Variants in NOTCH2NLR observed in about 807,000 individuals in gnomAD.
NOTCH2NLR encodes the protein notch 2 N-terminal like R (pseudogene).
In NOTCH2NLR, 33 loss-of-function variants were observed where a neutral mutation model predicts 35.6. The observed-to-expected ratio is 0.93, with a 90% CI of 0.70 to 1.24. The LOEUF (loss-of-function observed/expected upper bound fraction) is 1.24, where lower values mean the gene tolerates loss of function less well. Among genes scored for constraint, NOTCH2NLR ranks in the 50% most tolerant of loss-of-function variants. NOTCH2NLR has a pLI of 0.00. For missense variants in NOTCH2NLR, 276 were observed against 362.2 expected, an observed-to-expected ratio of 0.76 and a Z score of 1.93; for synonymous variants, 103 against 141.0, an observed-to-expected ratio of 0.73 and a Z score of 1.91.
rs1193092026 is a variant in NOTCH2NLR at position 120,792,777 on chromosome 1, G to A, written c.416-384G>A. Among the ~76,000 whole-genome samples the A allele has an allele frequency of 2.0e-5, 2 of 101,652 alleles. 1 individual carries two copies. The highest frequency in any genetic ancestry group is 3.6e-5 in the Non-Finnish European group (2 of 55,178). The allele number at this position is 101,652 out of a possible 152,430, so 66.7% of individuals were successfully genotyped here. A position where few individuals can be genotyped will look rare whatever the true frequency, so the allele number is the denominator to read the frequency against. ...GGCCTCCCAAAGTGCTGGAATTACAGGTGTGAGCCACTGCTCCTGGCCCAG... is the reference window on the plus strand; with the variant it reads ...GGCCTCCCAAAGTGCTGGAATTACAAGTGTGAGCCACTGCTCCTGGCCCAG... On this transcript the variant is annotated intron_variant, in intron 3 of 4. Transcript: ENST00000624419.
chr1:120,732,631 G>C, intron 1 of NOTCH2NLR, among the ~76,000 whole-genome samples: 1 of 80,250 alleles, frequency 1.2e-5, no homozygotes, highest in Non-Finnish European at 2.3e-5. Flanking sequence ...TCTTTAGTTA[G>C]AAACATTAAG....
chr1:120,762,441 G>C (rs1403315030), intron 1 of NOTCH2NLR, among the ~76,000 whole-genome samples: 2 of 88,792 alleles, frequency 2.3e-5, no homozygotes, highest in South Asian at 3.5e-4. Context: ...TACTGGTTTC[G>C]TGGCCAGGGA....
intron 2 of NOTCH2NLR, among the ~76,000 whole-genome samples, chr1:120,778,418 C>G (rs1436737221): frequency 9.0e-6 from 1 of 111,598 alleles, no homozygotes; most frequent in Non-Finnish European, 1.7e-5. Context: ...TAATGAGGAG[C>G]AGCTTCAGTG....
chr1:120,790,010 C>CTTTTTTT (rs1174501165), intron 3 of NOTCH2NLR, among the ~76,000 whole-genome samples: 2 of 34,962 alleles, frequency 5.7e-5, no homozygotes, highest in Non-Finnish European at 1.0e-4. Flanking sequence ...TTCTGATCAC[C>CTTTTTTT]TTTTTTTTTT....
chr1:120,756,532 G>A lies in NOTCH2NLR; in HGVS notation c.74-7096G>A, dbSNP rs1328785320. Among the ~76,000 whole-genome samples the A allele has an allele frequency of 2.6e-5, 3 of 116,512 alleles. No homozygotes were observed. In the East Asian group the frequency reaches 6.3e-4, roughly 25 times the overall value. The allele number at this position is 116,512 out of a possible 152,430, so 76.4% of individuals were successfully genotyped here. A position where few individuals can be genotyped will look rare whatever the true frequency, so the allele number is the denominator to read the frequency against. ...ATGAAAAAAATCATGTGAGATAGACGACAGAGGCTTATTTGAAGAAGCTAC... is the reference window on the plus strand; with the variant it reads ...ATGAAAAAAATCATGTGAGATAGACAACAGAGGCTTATTTGAAGAAGCTAC... On this transcript the variant is annotated intron_variant, in intron 1 of 4. Coordinates refer to ENST00000624419, the Ensembl canonical transcript of NOTCH2NLR.
rs1651306136 is a variant in NOTCH2NLR, at chr1:120,776,295, G to A, written c.156-8679G>A. Among the ~76,000 whole-genome samples the A allele has an allele frequency of 1.9e-5, 2 of 107,932 alleles. 1 individual carries two copies. Among genetic ancestry groups the A allele is most frequent in the Non-Finnish European group, 3.5e-5 (2 of 57,820 alleles). 70.8% of individuals were successfully genotyped at this position (107,932 alleles called of 152,430 possible). The stretch of plus-strand genomic sequence containing the variant: ...TCACAGGAAATAACATTTAAGTTGA[G>A]ACTTAATGAAATTTTAGGGCTTAGC... On this transcript the variant is annotated intron_variant, in intron 2 of 4. Transcript: ENST00000624419.
chr1:120,728,007 G>T lies in NOTCH2NLR; in HGVS notation c.73+3757G>T, dbSNP rs1387076892. On this transcript the variant is annotated intron_variant, in intron 1 of 4. Transcript: ENST00000624419. The stretch of plus-strand genomic sequence containing the variant: ...GGTCCTCCATTTTCTGATGTTCATT[G>T]TTCATGGTCACAGAGCCAATTAGAG... 3.4e-5 allele frequency among the ~76,000 whole-genome samples: 4 copies of T among 118,938 alleles called. 1 individual carries two copies. Among genetic ancestry groups the T allele is most frequent in the Non-Finnish European group, 4.9e-5 (3 of 61,276 alleles). 78.0% of individuals were successfully genotyped at this position (118,938 alleles called of 152,430 possible).
chr1:120,790,301 A>G lies in NOTCH2NLR; in HGVS notation c.416-2860A>G, dbSNP rs1332394033. On this transcript the variant is annotated intron_variant, in intron 3 of 4. Coordinates refer to ENST00000624419, the Ensembl canonical transcript of NOTCH2NLR. Reference sequence around the variant, plus strand: ...AGTGCTGGGATTACAGGTGTGAGCCACCACACCGGGCCGATTCTGATCATC... The same window carrying G: ...AGTGCTGGGATTACAGGTGTGAGCCGCCACACCGGGCCGATTCTGATCATC... Among the ~76,000 whole-genome samples the G allele has an allele frequency of 5.4e-5, 6 of 111,862 alleles. 2 individuals are homozygous for G. The highest frequency in any genetic ancestry group is 3.9e-3 in the Middle Eastern group (1 of 256). The allele number at this position is 111,862 out of a possible 152,430, so 73.4% of individuals were successfully genotyped here. A position where few individuals can be genotyped will look rare whatever the true frequency, so the allele number is the denominator to read the frequency against.
intron 2 of NOTCH2NLR, among the ~76,000 whole-genome samples, chr1:120,783,548 C>A (rs1434798188): frequency 1.8e-5 from 1 of 55,730 alleles, no homozygotes; most frequent in African/African-American, 1.8e-4. Flanking sequence ...AAGATGATCT[C>A]CTTTTACAAA....
intron 1 of NOTCH2NLR, among the ~76,000 whole-genome samples, chr1:120,734,405 T>C (rs1650893456): frequency 1.1e-5 from 1 of 91,808 alleles, no homozygotes; most frequent in Non-Finnish European, 2.1e-5. Flanking sequence ...TACAATATTT[T>C]CTTTTTTTTT....
downstream of NOTCH2NLR, among the ~76,000 whole-genome samples, chr1:120,794,489 C>A (rs1321748669): frequency 2.7e-5 from 3 of 112,506 alleles, 1 homozygote; most frequent in Non-Finnish European, 5.0e-5. Flanking sequence ...AGCAGAATTG[C>A]CTCAAAAAGA....
At chr1:120,727,861 G>A (rs1348042374) in intron 1 of NOTCH2NLR, among the ~76,000 whole-genome samples, 2 of 115,320 alleles carry the variant, frequency 1.7e-5, no homozygotes, top group East Asian at 4.2e-4. Context: ...TTCTTTCTTT[G>A]TCAGCCTACC....
Position 120,761,016 on chromosome 1 carries a change from G to T in NOTCH2NLR, c.74-2612G>T, listed in dbSNP as rs1651131872. ...GAACCATGGCTCAGTAAATGCTAAAGGTTCAAGGTAGCATGATCCCACACA... is the reference window on the plus strand; with the variant it reads ...GAACCATGGCTCAGTAAATGCTAAATGTTCAAGGTAGCATGATCCCACACA... On this transcript the variant is annotated intron_variant, in intron 1 of 4. Transcript: ENST00000624419. Among the ~76,000 whole-genome samples the T allele has an allele frequency of 1.6e-5, 2 of 125,584 alleles. 1 individual carries two copies. Among genetic ancestry groups the T allele is most frequent in the South Asian group, 4.8e-4 (2 of 4,138 alleles). 82.4% of individuals were successfully genotyped at this position (125,584 alleles called of 152,430 possible). A position where few individuals can be genotyped will look rare whatever the true frequency, so the allele number is the denominator to read the frequency against.
chr1:120,792,603 G>A (rs1651504113), intron 3 of NOTCH2NLR, among the ~76,000 whole-genome samples: 1 of 109,224 alleles, frequency 9.2e-6, no homozygotes, highest in Non-Finnish European at 1.8e-5. Flanking sequence ...CTGGGTTCAA[G>A]TGATTCTTCT....
exon 1 of NOTCH2NLR, chr1:120,724,161 A>T: frequency 7.2e-7 from 1 of 1,380,380 alleles, no homozygotes; most frequent in Non-Finnish European, 9.4e-7. Context: ...GAGGAGGAGG[A>T]GGAGGCGACC....
rs1189272610 is a variant in NOTCH2NLR at position 120,790,535 on chromosome 1, CCTTTCTTTCTTT to C, written c.416-2579_416-2568del. ...TTGATTCTTTCTTTCTTTCTCCCTC[CCTTTCTTTCTTT>C]CTTTCTTTCTTTCTTTCTTTCTTTC... On this transcript the variant is annotated intron_variant, in intron 3 of 4. Coordinates refer to ENST00000624419, the Ensembl canonical transcript of NOTCH2NLR. 7.7e-3 allele frequency among the ~76,000 whole-genome samples: 594 copies of C among 76,710 alleles called. 108 individuals carry two copies. Among genetic ancestry groups the C allele is most frequent in the South Asian group, 0.025 (65 of 2,560 alleles). 50.3% of individuals were successfully genotyped at this position (76,710 alleles called of 152,430 possible). A position where few individuals can be genotyped will look rare whatever the true frequency, so the allele number is the denominator to read the frequency against.
rs1396110754 is a variant in NOTCH2NLR at position 120,784,570 on chromosome 1, C to A, written c.156-404C>A. Among the ~76,000 whole-genome samples the A allele has an allele frequency of 6.8e-5, 8 of 118,028 alleles. 2 individuals are homozygous for A. Among genetic ancestry groups the A allele is most frequent in the Admixed American group, 1.6e-4 (2 of 12,420 alleles). 77.4% of individuals were successfully genotyped at this position (118,028 alleles called of 152,430 possible). A position where few individuals can be genotyped will look rare whatever the true frequency, so the allele number is the denominator to read the frequency against. ...CAACTCAAGTATTGTCAGTGAAGGT[C>A]TTCTCTGATTTTCCTATTCTAAACT... On this transcript the variant is annotated intron_variant, in intron 2 of 4. Coordinates refer to ENST00000624419, the Ensembl canonical transcript of NOTCH2NLR.
intron 2 of NOTCH2NLR, among the ~76,000 whole-genome samples, chr1:120,764,631 A>T (rs1377621755): frequency 8.7e-6 from 1 of 115,458 alleles, no homozygotes; most frequent in Non-Finnish European, 1.7e-5. Flanking sequence ...TACTCTAGCC[A>T]AGACGTTTTG....
intron 3 of NOTCH2NLR, among the ~76,000 whole-genome samples, chr1:120,790,586 TTCTTTCTC>T (rs1651479928): frequency 9.7e-6 from 1 of 103,286 alleles, no homozygotes; most frequent in Non-Finnish European, 1.8e-5. Flanking sequence ...CTTTCTTTCT[TTCTTTCTC>T]TTTCTCTCTC....
Sources: gnomAD v4.1 joint callset for allele counts (sites outside exome capture counted in the v4.1 genomes callset) on GRCh38, gnomAD v4.1.1 for gene constraint, MANE v1.5 for transcripts, NCBI Gene and HGNC (gene_info 2026-07-23, HGNC 2026-07-21) for gene names.